KCNK9: variants seen among roughly 807,000 people sequenced by gnomAD.
KCNK9 encodes the protein potassium two pore domain channel subfamily K member 9, also known as potassium channel subfamily K member 9.
Under a neutral mutation model 10.8 loss-of-function variants are expected in KCNK9, and 1 was observed. That is an observed-to-expected ratio of 0.09 (90% CI 0.03 to 0.44). The LOEUF (loss-of-function observed/expected upper bound fraction) is 0.44, where lower values mean the gene tolerates loss of function less well. KCNK9 is among the 20% of genes least tolerant of loss of function. The pLI, the probability that KCNK9 is intolerant of heterozygous loss-of-function variation, is 0.97. For missense variants in KCNK9, 303 were observed against 515.0 expected (o/e 0.59, Z 3.98); for synonymous variants, 231 against 222.7 (o/e 1.04, Z -0.33).
At chr8:139,635,525 C>T (rs1208890383) in intron 1 of KCNK9, among the ~76,000 whole-genome samples, 2 of 152,234 alleles carry the variant, frequency 1.3e-5, no homozygotes, top group African/African-American at 4.8e-5. Context: ...TTGGGCAAGT[C>T]ACCTAACCTT....
intron 2 of KCNK9, among the ~76,000 whole-genome samples, chr8:139,604,536 C>T (rs758592691): frequency 4.6e-5 from 7 of 152,134 alleles, no homozygotes; most frequent in African/African-American, 1.7e-4. Flanking sequence ...CAAAGCTGAC[C>T]GGTAGGAAAG....
chr8:139,643,579 G>A (rs1022497649), intron 1 of KCNK9, among the ~76,000 whole-genome samples: 1 of 152,204 alleles, frequency 6.6e-6, no homozygotes, highest in East Asian at 1.9e-4. Context: ...TGGGTCAACA[G>A]CTACAGCCAT....
At chr8:139,691,333 T>C (rs1353602525) in intron 1 of KCNK9, among the ~76,000 whole-genome samples, 2 of 152,220 alleles carry the variant, frequency 1.3e-5, no homozygotes, top group African/African-American at 4.8e-5. Flanking sequence ...CAGCTGCCTT[T>C]CCAAGGCCAC....
At chr8:139,681,671 C>T (rs181375552) in intron 1 of KCNK9, among the ~76,000 whole-genome samples, 1 of 152,324 alleles carries the variant, frequency 6.6e-6, no homozygotes, top group East Asian at 1.9e-4. Context: ...GCTCCCTCTG[C>T]CATAAGGAAC....
At chr8:139,688,547 C>T (rs1816869637) in intron 1 of KCNK9, among the ~76,000 whole-genome samples, 1 of 152,200 alleles carries the variant, frequency 6.6e-6, no homozygotes, top group Non-Finnish European at 1.5e-5. Flanking sequence ...CCTCCCTTGA[C>T]ACATGGGGAT....
chr8:139,660,424 G>A (rs974521041), intron 1 of KCNK9, among the ~76,000 whole-genome samples: 4 of 146,146 alleles, frequency 2.7e-5, no homozygotes, highest in Middle Eastern at 3.5e-3. Context: ...GACCAATGTC[G>A]TGAAACCCGT....
chr8:139,652,029 G>C (rs1815880949), intron 1 of KCNK9, among the ~76,000 whole-genome samples: 1 of 152,122 alleles, frequency 6.6e-6, no homozygotes, highest in African/African-American at 2.4e-5. Flanking sequence ...TTCTTTGTGT[G>C]CCTGGAGCCA....
chr8:139,687,378 ATATATGAATATATATGTG>A (rs1816817004), intron 1 of KCNK9, among the ~76,000 whole-genome samples: 1 of 131,248 alleles, frequency 7.6e-6, no homozygotes, highest in Non-Finnish European at 1.6e-5. Context: ...GTGTATACAT[ATATATGAATATATATGTG>A]TATACATATA....
intron 1 of KCNK9, among the ~76,000 whole-genome samples, chr8:139,635,464 AG>A (rs1815309406): frequency 6.6e-6 from 1 of 152,216 alleles, no homozygotes; most frequent in African/African-American, 2.4e-5. Flanking sequence ...CTGAAATAAC[AG>A]GGAAGACCCG....
At chr8:139,670,788 T>C (rs1053201648) in intron 1 of KCNK9, among the ~76,000 whole-genome samples, 1 of 152,192 alleles carries the variant, frequency 6.6e-6, no homozygotes, top group Non-Finnish European at 1.5e-5. Flanking sequence ...TATGTATTAT[T>C]GATGTGATTA....
intron 1 of KCNK9, among the ~76,000 whole-genome samples, chr8:139,689,251 C>A (rs1816884480): frequency 6.6e-6 from 1 of 152,164 alleles, no homozygotes; most frequent in Admixed American, 6.5e-5. Flanking sequence ...TAATGGCAGC[C>A]CCAGCAAACT....
rs758375356 is a variant in KCNK9 at position 139,618,801 on chromosome 8, G to A, written c.582C>T (p.Phe194=). ...CGAACCCAATGGTAGTCAACGTGAT[G>A]AAGCAGTAGTAGTAGGCGTGGAAGA... The part of the protein sequence containing the change: ...WSFFHAYYYC[F]ITLTTIGFGD... The change falls in exon 2 of 2, where the codon TTC becomes TTT. Residue 194 remains phenylalanine, a synonymous_variant. Coordinates refer to ENST00000520439, the MANE Select transcript of KCNK9 (RefSeq NM_001282534.2). The surrounding 1 kb of genome is among the most constrained non-coding windows in gnomAD (Gnocchi z 7.9). 13 of 1,614,126 alleles carry A rather than the reference G, an allele frequency of 8.1e-6. No individual in the cohort carries two copies. The East Asian group carries it at 2.7e-4, about 33-fold the overall frequency.
intron 1 of KCNK9, among the ~76,000 whole-genome samples, chr8:139,653,690 C>T (rs918929905): frequency 2.6e-5 from 4 of 152,264 alleles, no homozygotes; most frequent in East Asian, 1.9e-4. Context: ...GATACTCAAA[C>T]GCAAATCAGA....
intron 1 of KCNK9, among the ~76,000 whole-genome samples, chr8:139,658,055 G>A (rs1402058802): frequency 6.6e-6 from 1 of 152,236 alleles, no homozygotes; most frequent in Non-Finnish European, 1.5e-5. Flanking sequence ...GTTGTATCAG[G>A]TCAGGGTCAT....
At chr8:139,644,126 G>T (rs1815595420) in intron 1 of KCNK9, among the ~76,000 whole-genome samples, 1 of 152,240 alleles carries the variant, frequency 6.6e-6, no homozygotes, top group Non-Finnish European at 1.5e-5. Context: ...TCCAGGCACT[G>T]TGGGATGTAG....
At chr8:139,606,443 A>AGAT (rs1817489646) in intron 2 of KCNK9, among the ~76,000 whole-genome samples, 1 of 152,148 alleles carries the variant, frequency 6.6e-6, no homozygotes, top group African/African-American at 2.4e-5. Context: ...CACATACCCC[A>AGAT]GATGGATGCA....
intron 1 of KCNK9, among the ~76,000 whole-genome samples, chr8:139,687,743 C>A (rs935278134): frequency 1.4e-4 from 20 of 147,450 alleles, no homozygotes; most frequent in Non-Finnish European, 2.8e-4. Context: ...TATAATTAAC[C>A]CCCAGATATG....
rs147980278 is a variant in KCNK9, at chr8:139,654,440, G to C, written c.284-35341C>G. ...AGATGCCCTGCCCGCTCAGGCCCTG[G>C]TGTTGTCTGACCCATCCCCACCCCC... On this transcript the variant is annotated intron_variant, in intron 1 of 1. Coordinates refer to ENST00000520439, the MANE Select transcript of KCNK9 (RefSeq NM_001282534.2). 9.2e-3 allele frequency among the ~76,000 whole-genome samples: 1,408 copies of C among 152,262 alleles called. 10 individuals are homozygous for C. The highest frequency in any genetic ancestry group is 0.014 in the Non-Finnish European group (970 of 68,016).
intron 1 of KCNK9, among the ~76,000 whole-genome samples, chr8:139,699,499 G>T (rs1304163603): frequency 6.6e-6 from 1 of 152,162 alleles, no homozygotes; most frequent in East Asian, 1.9e-4. Context: ...CCCATGCAAA[G>T]GTCTAGCACT....
Sources: allele counts gnomAD v4.1 joint callset (sites outside exome capture counted in the v4.1 genomes callset), GRCh38; gene constraint gnomAD v4.1.1; non-coding constraint Gnocchi (gnomAD v3.1); transcripts MANE v1.5; gene names NCBI Gene and HGNC (gene_info 2026-07-23, HGNC 2026-07-21).